VPS39: variants seen among roughly 807,000 people sequenced by gnomAD.
VPS39 encodes the protein vam6/Vps39-like protein.
In VPS39, 70 loss-of-function variants were observed where a neutral mutation model predicts 121.0. The ratio of observed to expected loss-of-function variants is 0.58; its 90% CI spans 0.48 to 0.71. The LOEUF is 0.71. VPS39 is among the 30% of genes least tolerant of loss of function. The pLI is 0.00. For synonymous variants in VPS39, 378 were observed against 398.1 expected (o/e 0.95, Z 0.60); for missense variants, 818 against 1,051.5 (o/e 0.78, Z 3.07).
In VPS39 at chr15:42,203,371, G is replaced by A. The variant is rs571184416; in HGVS notation, c.74-3410C>T. The stretch of plus-strand genomic sequence containing the variant: ...TGCCTGTAATCCCAGCTACTCAGGA[G>A]ACTGAGGCAAGAGAACTGCATGAAC... On this transcript the variant is annotated intron_variant, in intron 1 of 24. Transcript: ENST00000318006. Among the ~76,000 whole-genome samples, 237 of 152,118 alleles carry A rather than the reference G, an allele frequency of 1.6e-3. 1 individual carries two copies. Among genetic ancestry groups the A allele is most frequent in the African/African-American group, 4.7e-3 (197 of 41,518 alleles).
chr15:42,207,057 C>A (rs1246716875), intron 1 of VPS39, among the ~76,000 whole-genome samples: 1 of 152,128 alleles, frequency 6.6e-6, no homozygotes, highest in Non-Finnish European at 1.5e-5. Flanking sequence ...AGGAAGGGTG[C>A]ACATTAACAT....
intron 10 of VPS39, 64 bp downstream of exon 10, chr15:42,178,154 G>A: frequency 1.2e-6 from 2 of 1,603,986 alleles, no homozygotes; most frequent in Non-Finnish European, 1.7e-6. Context: ...TATGAACATT[G>A]AAACCCAAAT....
rs555946143 is a variant in VPS39 at position 42,206,273 on chromosome 15, A to C, written c.73+1808T>G. Reference sequence around the variant, plus strand: ...TTCCATCCAAAGGCACAATGTAGTTAAAAAGGGGTAATGACTAGAAAGAGC... The same window carrying C: ...TTCCATCCAAAGGCACAATGTAGTTCAAAAGGGGTAATGACTAGAAAGAGC... On this transcript the variant is annotated intron_variant, in intron 1 of 24. Transcript: ENST00000318006. 7.1e-4 allele frequency among the ~76,000 whole-genome samples: 108 copies of C among 152,336 alleles called. 3 individuals are homozygous for C. In the South Asian group the frequency reaches 0.022, roughly 31 times the overall value.
intron 1 of VPS39, 27 bp from the exon 2 acceptor site, chr15:42,199,988 A>C (rs773171883): frequency 2.6e-6 from 4 of 1,549,618 alleles, no homozygotes; most frequent in Middle Eastern, 1.8e-4. Flanking sequence ...AAACAAAAAC[A>C]AAAACAAAAA....
intron 1 of VPS39, among the ~76,000 whole-genome samples, chr15:42,207,465 G>C (rs1459158065): frequency 6.6e-6 from 1 of 152,126 alleles, no homozygotes; most frequent in Non-Finnish European, 1.5e-5. Context: ...AGTTTTTATG[G>C]GTTAGGTTTC....
intron 2 of VPS39, among the ~76,000 whole-genome samples, chr15:42,195,738 A>G (rs918368185): frequency 6.6e-6 from 1 of 152,238 alleles, no homozygotes; most frequent in Non-Finnish European, 1.5e-5. Flanking sequence ...GAAAATGGCC[A>G]TACTGCCCAA....
intron 2 of VPS39, chr15:42,192,137 A>C: frequency 6.5e-7 from 1 of 1,535,376 alleles, no homozygotes; most frequent in Non-Finnish European, 8.7e-7. Flanking sequence ...ATACCATAAA[A>C]ACATGTGAAT....
chr15:42,167,002 G>A lies in VPS39; in HGVS notation c.1378-89C>T, dbSNP rs1469918035. On this transcript the variant is annotated intron_variant, in intron 13 of 24. Coordinates refer to ENST00000318006, the MANE Select transcript of VPS39 (RefSeq NM_015289.5). ...AGGCCTGCTCTAGGCTGAAAGGCCA[G>A]GAATGTAGCACAAGCAAGAGAAAGC... The A allele has an allele frequency of 3.8e-6, 6 of 1,560,106 alleles. No homozygotes were observed. The East Asian group carries it at 1.1e-4, about 29-fold the overall frequency.
chr15:42,160,493 G>A lies in VPS39; in HGVS notation c.*261C>T, dbSNP rs1461420829. 3 of 479,736 alleles carry A rather than the reference G, an allele frequency of 6.3e-6. No homozygotes were observed. Among genetic ancestry groups the A allele is most frequent in the Non-Finnish European group, 1.1e-5 (3 of 263,332 alleles). The allele number at this position is 479,736 out of a possible 1,614,324, so 29.7% of individuals were successfully genotyped here. ...AAGGCAAGATGGTGCACATCCTCCT[G>A]ACCAAGCAGGTACTGAATTCTCTGG... On this transcript the variant is annotated 3_prime_UTR_variant, in exon 25 of 25. Coordinates refer to ENST00000318006, the MANE Select transcript of VPS39 (RefSeq NM_015289.5).
intron 2 of VPS39, among the ~76,000 whole-genome samples, chr15:42,193,052 T>A (rs139404891): frequency 0.025 from 3,848 of 152,306 alleles, 75 homozygotes; most frequent in Middle Eastern, 0.051. Context: ...AGTGCTGGGA[T>A]TACAGGAGTG....
chr15:42,166,975 C>T (rs766109543), intron 13 of VPS39, 62 bp from the exon 14 acceptor site: 222 of 1,605,828 alleles, frequency 1.4e-4, no homozygotes, highest in African/African-American at 2.1e-4. Flanking sequence ...CTTCCCTGGC[C>T]CAGGCCTGCT....
chr15:42,189,781 C>A (rs1174229970), intron 4 of VPS39, among the ~76,000 whole-genome samples: 4 of 138,912 alleles, frequency 2.9e-5, no homozygotes, highest in Non-Finnish European at 6.1e-5. Context: ...AGATCTTTCA[C>A]TTCCAAAACA....
intron 2 of VPS39, among the ~76,000 whole-genome samples, chr15:42,192,377 A>G (rs942982593): frequency 3.9e-5 from 6 of 152,216 alleles, no homozygotes; most frequent in Non-Finnish European, 1.5e-5. Context: ...GGGGTAAAGC[A>G]GTTAGGTAAC....
Position 42,187,769 on chromosome 15 carries a change from G to A in VPS39, c.430C>T (p.His144Tyr), listed in dbSNP as rs1216986916. The change falls in exon 6 of 25, where the codon CAT (histidine) becomes TAT (tyrosine). Residue 144 changes from histidine to tyrosine, a missense_variant. Transcript: ENST00000318006. ...AACAGTGGACTTACCTGCAATTCAT[G>A]AAATTCCCTGTCCTTCCAGAAATAG... ...QLYFWKDREFHELQGDFSVPD... is the reference protein window; with the variant it reads ...QLYFWKDREFYELQGDFSVPD... 3.1e-6 allele frequency: 5 copies of A among 1,614,028 alleles called. No homozygotes were observed. The highest frequency in any genetic ancestry group is 3.4e-6 in the Non-Finnish European group (4 of 1,180,018).
At chr15:42,187,677 G>C (rs1019698975) in intron 6 of VPS39, 81 bp downstream of exon 6, 1 of 1,241,960 alleles carries the variant, frequency 8.1e-7, no homozygotes, top group Non-Finnish European at 1.2e-6. Context: ...AGAATGACAA[G>C]ACTGGAGTCC....
At chr15:42,188,337 T>C (rs1234856354) in intron 5 of VPS39, among the ~76,000 whole-genome samples, 2 of 152,018 alleles carry the variant, frequency 1.3e-5, no homozygotes, top group East Asian at 1.9e-4. Context: ...AAATGGTAAG[T>C]TGAGTAGAGA....
chr15:42,192,641 C>T (rs904508287), intron 2 of VPS39, among the ~76,000 whole-genome samples: 3 of 152,008 alleles, frequency 2.0e-5, no homozygotes, highest in Non-Finnish European at 4.4e-5. Context: ...AAGAAAGGGC[C>T]CTAAAGTTGC....
intron 24 of VPS39, 78 bp from the exon 25 acceptor site, chr15:42,160,907 A>G: frequency 6.9e-7 from 1 of 1,454,348 alleles, no homozygotes; most frequent in Non-Finnish European, 9.7e-7. Context: ...CTCCTACAGA[A>G]GAGGCACATT....
chr15:42,178,179 A>G, intron 10 of VPS39, 39 bp downstream of exon 10: 2 of 1,610,368 alleles, frequency 1.2e-6, no homozygotes, highest in Non-Finnish European at 8.5e-7. Flanking sequence ...TACTTTCAAG[A>G]ACAATAAGGA....
Sources: gnomAD v4.1 joint callset for allele counts (sites outside exome capture counted in the v4.1 genomes callset) on GRCh38, gnomAD v4.1.1 for gene constraint, MANE v1.5 for transcripts, NCBI Gene and HGNC (gene_info 2026-07-23, HGNC 2026-07-21) for gene names.